Variants in CSMD2 observed in about 807,000 individuals in gnomAD.
CSMD2 encodes CUB and sushi domain-containing protein 2.
In CSMD2, 130 loss-of-function variants were observed where a neutral mutation model predicts 398.5. The ratio of observed to expected loss-of-function variants is 0.33; its 90% CI spans 0.28 to 0.38. The LOEUF (loss-of-function observed/expected upper bound fraction) is 0.38. CSMD2 is among the 10% of genes least tolerant of loss of function. CSMD2 has a pLI of 1.00. For synonymous variants in CSMD2, 1,828 were observed against 1,908.5 expected (o/e 0.96, Z 1.10); for missense variants, 3,829 against 4,764.9 (o/e 0.80, Z 5.78).
intron 40 of CSMD2, among the ~76,000 whole-genome samples, chr1:33,613,811 A>C (rs1487293427): frequency 6.6e-6 from 1 of 152,180 alleles, no homozygotes; most frequent in African/African-American, 2.4e-5. Context: ...TCCCTTCAAC[A>C]GAGACATTTG....
intron 6 of CSMD2, among the ~76,000 whole-genome samples, chr1:33,836,401 G>A (rs953379793): frequency 2.0e-5 from 3 of 152,234 alleles, no homozygotes; most frequent in Non-Finnish European, 4.4e-5. Context: ...GTCAGACAGG[G>A]ACATTTAAGT....
At chr1:33,592,556 T>G in intron 44 of CSMD2, 3 of 716,352 alleles carry the variant, frequency 4.2e-6, no homozygotes, top group Middle Eastern at 2.3e-4. Context: ...AATGTGTAGC[T>G]AATCATATTG....
chr1:33,603,167 A>G (rs1399751125), intron 42 of CSMD2, among the ~76,000 whole-genome samples: 1 of 152,152 alleles, frequency 6.6e-6, no homozygotes, highest in Non-Finnish European at 1.5e-5. Flanking sequence ...TGATGAGGTG[A>G]AACGATGCAG....
chr1:33,930,195 A>G (rs1030381503), intron 4 of CSMD2, among the ~76,000 whole-genome samples: 9 of 152,202 alleles, frequency 5.9e-5, no homozygotes, highest in Non-Finnish European at 1.0e-4. Flanking sequence ...CACTCAAGAG[A>G]AAGTTGTTGA....
intron 57 of CSMD2, among the ~76,000 whole-genome samples, chr1:33,545,041 A>G (rs1264763977): frequency 6.6e-6 from 1 of 152,040 alleles, no homozygotes; most frequent in Non-Finnish European, 1.5e-5. Context: ...TAAATTAATG[A>G]TCCCCCCACC....
intron 3 of CSMD2, among the ~76,000 whole-genome samples, chr1:33,987,476 G>A (rs1352638626): frequency 1.3e-5 from 2 of 152,114 alleles, no homozygotes; most frequent in Non-Finnish European, 2.9e-5. Flanking sequence ...AGGGAGTTGG[G>A]CATCAGAACT....
intron 13 of CSMD2, among the ~76,000 whole-genome samples, chr1:33,765,691 T>TCCCC (rs1650400258): frequency 1.3e-5 from 2 of 152,240 alleles, no homozygotes; most frequent in African/African-American, 2.4e-5. Context: ...GAGACTTGTT[T>TCCCC]ATATAGAAAT....
Position 33,567,636 on chromosome 1 carries a change from G to A in CSMD2, c.8337C>T (p.Cys2779=). 1 of 1,614,154 alleles carries A rather than the reference G, an allele frequency of 6.2e-7. No individual in the cohort carries two copies. Among genetic ancestry groups the A allele is most frequent in the South Asian group, 1.1e-5 (1 of 91,086 alleles). ...FRLIGMSVRI[C]QQDHHWSGKT... is the part of the protein sequence containing the mutation. ...TGCCCGACCAGTGATGATCCTGCTG[G>A]CAGATGCGCACAGACATGCCGATCA... Residue 2779 remains cysteine (C), a synonymous_variant, in exon 53 of 71, where the codon TGC becomes TGT. Transcript: ENST00000373381.
chr1:33,687,641 C>G (rs1444972075), intron 25 of CSMD2, among the ~76,000 whole-genome samples: 1 of 151,820 alleles, frequency 6.6e-6, no homozygotes, highest in African/African-American at 2.4e-5. Flanking sequence ...AAATATAGCC[C>G]CTTGTACTCA....
At chr1:33,747,048 A>G (rs1475289065) in intron 13 of CSMD2, among the ~76,000 whole-genome samples, 4 of 152,242 alleles carry the variant, frequency 2.6e-5, no homozygotes, top group African/African-American at 9.6e-5. Flanking sequence ...CAAAGGCAAC[A>G]GAAAGCTGCT....
chr1:33,689,618 T>C (rs1352297094), intron 25 of CSMD2, among the ~76,000 whole-genome samples: 1 of 152,170 alleles, frequency 6.6e-6, no homozygotes, highest in Non-Finnish European at 1.5e-5. Context: ...GTAATTTCCT[T>C]GTGCCAGCCA....
chr1:33,665,584 C>T (rs1398582147), intron 25 of CSMD2, among the ~76,000 whole-genome samples: 4 of 150,356 alleles, frequency 2.7e-5, no homozygotes, highest in South Asian at 4.2e-4. Context: ...TAACATGCCA[C>T]CATGTTTGAC....
At chr1:33,768,536 A>ATGTGTGTGTGTG (rs60273744) in intron 13 of CSMD2, among the ~76,000 whole-genome samples, 5 of 142,158 alleles carry the variant, frequency 3.5e-5, no homozygotes, top group African/African-American at 8.1e-5. Flanking sequence ...GTGTGCGTGC[A>ATGTGTGTGTGTG]TGTGTGTGTG....
intron 3 of CSMD2, among the ~76,000 whole-genome samples, chr1:33,984,084 G>A (rs1303350441): frequency 2.0e-5 from 3 of 152,118 alleles, no homozygotes; most frequent in Non-Finnish European, 1.5e-5. Flanking sequence ...AACCCTGGAG[G>A]CGGAGCTTGC....
Position 33,569,472 on chromosome 1 carries a change from G to A in CSMD2, c.8033C>T (p.Ala2678Val). The part of the protein sequence containing the change: ...IGTLSVYGAT[A>V]IFSCNSGYTL... ...GTATCCGGAATTGCAGGAGAAGATG[G>A]CTGTTGCCCCGTAGACAGACAGTGT... is the stretch of plus-strand genomic sequence containing the variant. The change falls in exon 52 of 71, where the codon GCC becomes GTC. Residue 2678 changes from alanine to valine, a missense_variant. Around this residue, in one of 5 missense-constraint regions of CSMD2, gnomAD observed 723 missense variants for 758.6 expected, o/e 0.95. Coordinates refer to ENST00000373381, the MANE Select transcript of CSMD2 (RefSeq NM_001281956.2). 6.2e-7 allele frequency: 1 copy of A among 1,614,214 alleles called. No homozygotes were observed. The highest frequency in any genetic ancestry group is 1.3e-5 in the African/African-American group (1 of 75,046).
At chr1:34,140,653 G>C (rs1639207099) in intron 1 of CSMD2, among the ~76,000 whole-genome samples, 1 of 152,148 alleles carries the variant, frequency 6.6e-6, no homozygotes, top group Non-Finnish European at 1.5e-5. Context: ...GGGGAACTGA[G>C]GCCTAAAGAG....
intron 3 of CSMD2, among the ~76,000 whole-genome samples, chr1:33,992,604 C>A (rs1646591665): frequency 6.6e-6 from 1 of 151,398 alleles, no homozygotes; most frequent in African/African-American, 2.4e-5. Flanking sequence ...TGTGGTGGCT[C>A]ACGCCTGTAA....
intron 2 of CSMD2, among the ~76,000 whole-genome samples, chr1:34,064,276 C>G (rs1266479479): frequency 1.3e-5 from 2 of 152,216 alleles, no homozygotes; most frequent in Non-Finnish European, 2.9e-5. Context: ...TCTACTGCAT[C>G]ATCAGGCTGC....
chr1:34,086,584 T>C (rs556388366), intron 2 of CSMD2, among the ~76,000 whole-genome samples: 3 of 152,252 alleles, frequency 2.0e-5, no homozygotes, highest in South Asian at 4.1e-4. Context: ...CTTTCTCCCA[T>C]AGCCCACACC....
Sources: allele counts gnomAD v4.1 joint callset (sites outside exome capture counted in the v4.1 genomes callset), GRCh38; gene constraint gnomAD v4.1.1; regional missense constraint gnomAD v4.1.1; transcripts MANE v1.5; gene names NCBI Gene and HGNC (gene_info 2026-07-23, HGNC 2026-07-21).